Variants in G3BP2 observed in about 807,000 individuals in gnomAD.
G3BP2 encodes the protein G3BP stress granule assembly factor 2, also known as ras GTPase-activating protein-binding protein 2.
In G3BP2, 11 loss-of-function variants were observed where a neutral mutation model predicts 56.7. The observed-to-expected ratio is 0.19, with a 90% CI of 0.12 to 0.32. The LOEUF is 0.32. Among genes scored for constraint, G3BP2 ranks in the 10% least tolerant of loss-of-function variants. G3BP2 has a pLI of 1.00. For synonymous variants in G3BP2, 165 were observed against 191.6 expected (o/e 0.86, Z 1.15); for missense variants, 340 against 610.9 (o/e 0.56, Z 4.67).
At chr4:75,667,195 G>C (rs1325048567) in intron 1 of G3BP2, among the ~76,000 whole-genome samples, 1 of 151,740 alleles carries the variant, frequency 6.6e-6, no homozygotes, top group African/African-American at 2.4e-5. Flanking sequence ...AAGCTGAGGT[G>C]GGAGGAATGC....
At chr4:75,687,288 T>C (rs1386046151) in intron 3 of G3BP2, among the ~76,000 whole-genome samples, 1 of 152,202 alleles carries the variant, frequency 6.6e-6, no homozygotes, top group Non-Finnish European at 1.5e-5. Context: ...TCATAAGATC[T>C]GATGGTTTTA....
At chr4:75,722,982 A>C (rs769625840) in intron 1 of G3BP2, among the ~76,000 whole-genome samples, 1 of 152,218 alleles carries the variant, frequency 6.6e-6, no homozygotes, top group Non-Finnish European at 1.5e-5. Context: ...TGCCCTTAAC[A>C]GTTTGGTTTA....
chr4:75,647,169 A>G lies in G3BP2; in HGVS notation c.929-12T>C. On this transcript the variant is annotated splice_polypyrimidine_tract_variant and intron_variant, in intron 9 of 11. Coordinates refer to ENST00000359707, the MANE Select transcript of G3BP2 (RefSeq NM_203505.3). The stretch of plus-strand genomic sequence containing the variant: ...CATATCTCCTCTGCCTGAGAATAGA[A>G]ATAGAGCAGATACTAAAGTTTACAA... 6.5e-7 allele frequency: 1 copy of G among 1,548,866 alleles called. No homozygotes were observed. Among genetic ancestry groups the G allele is most frequent in the Non-Finnish European group, 8.8e-7 (1 of 1,139,312 alleles).
At chr4:75,662,667 T>C (rs1421543027) in intron 1 of G3BP2, 1 of 152,230 alleles carries the variant, frequency 6.6e-6, no homozygotes, top group Non-Finnish European at 1.5e-5. Flanking sequence ...TCTCCCTTTC[T>C]CTCTCTTTCT....
At chr4:75,653,887 C>T in intron 8 of G3BP2, 96 bp downstream of exon 8, 1 of 644,722 alleles carries the variant, frequency 1.6e-6, no homozygotes, top group Middle Eastern at 2.5e-4. Flanking sequence ...ATATTTAATC[C>T]ATAATTTCTG....
intron 3 of G3BP2, among the ~76,000 whole-genome samples, chr4:75,681,989 T>C (rs1218685229): frequency 1.3e-5 from 2 of 152,276 alleles, no homozygotes; most frequent in South Asian, 2.1e-4. Context: ...CTGAGAAGGC[T>C]ATGACATGAC....
At chr4:75,668,786 G>A (rs919694748) in intron 1 of G3BP2, among the ~76,000 whole-genome samples, 2 of 152,132 alleles carry the variant, frequency 1.3e-5, no homozygotes, top group Admixed American at 1.3e-4. Context: ...CAGAAATCCT[G>A]TCCCCTTGAA....
At chr4:75,665,659 ACACAC>A in intron 1 of G3BP2, among the ~76,000 whole-genome samples, 1 of 53,288 alleles carries the variant, frequency 1.9e-5, no homozygotes, top group African/African-American at 1.5e-4. Flanking sequence ...ACAAACAAAC[ACACAC>A]ACACACACAC....
intron 1 of G3BP2, among the ~76,000 whole-genome samples, chr4:75,669,188 G>GT (rs1733290538): frequency 6.6e-6 from 1 of 152,122 alleles, no homozygotes; most frequent in African/African-American, 2.4e-5. Flanking sequence ...ACCTAAACGT[G>GT]TATCTAGTCT....
chr4:75,696,838 T>G (rs75873797), intron 3 of G3BP2, among the ~76,000 whole-genome samples: 25,630 of 152,166 alleles, frequency 0.17, 2,262 homozygotes, highest in South Asian at 0.34. Flanking sequence ...AAGAGTAACA[T>G]GAAGTTAAAC....
chr4:75,657,912 T>C (rs932780067), intron 3 of G3BP2, among the ~76,000 whole-genome samples, 182 bp from the exon 4 acceptor site: 5 of 152,192 alleles, frequency 3.3e-5, no homozygotes, highest in African/African-American at 2.4e-5. Context: ...GAAATCACAA[T>C]AGCTCTCCAA....
At chr4:75,694,545 A>G (rs1328560230) in intron 3 of G3BP2, among the ~76,000 whole-genome samples, 1 of 152,234 alleles carries the variant, frequency 6.6e-6, no homozygotes, top group Admixed American at 6.5e-5. Context: ...CGGAGCTTGC[A>G]CTGAGCCGAG....
chr4:75,678,658 T>A (rs1733966607), intron 3 of G3BP2, among the ~76,000 whole-genome samples: 1 of 152,004 alleles, frequency 6.6e-6, no homozygotes, highest in Non-Finnish European at 1.5e-5. Context: ...CCAAAAAAAA[T>A]AAAAAAGAAT....
intron 3 of G3BP2, among the ~76,000 whole-genome samples, chr4:75,690,662 CCCGGGG>C (rs1264690604): frequency 6.6e-6 from 1 of 152,040 alleles, no homozygotes; most frequent in Non-Finnish European, 1.5e-5. Context: ...ACCTCTGCCT[CCCGGGG>C]TCAAATTATC....
Position 75,720,022 on chromosome 4 carries a change from C to CTTTTTTTTTTTTTTTTTT in G3BP2, c.-25+854_-25+855insAAAAAAAAAAAAAAAAAA, listed in dbSNP as rs67468716. On this transcript the variant is annotated intron_variant, in intron 3 of 3. Coordinates refer to the G3BP2 transcript ENST00000499709. ...GAGCAGGATGGGGGGGCCCAGAACC[C>CTTTTTTTTTTTTTTTTTT]TTTTTTTTTTTTGAGAAAGGGTCTC... 1.1e-4 allele frequency among the ~76,000 whole-genome samples: 11 copies of CTTTTTTTTTTTTTTTTTT among 97,320 alleles called. 1 individual carries two copies. Among genetic ancestry groups the CTTTTTTTTTTTTTTTTTT allele is most frequent in the African/African-American group, 2.9e-4 (7 of 24,202 alleles). The allele number at this position is 97,320 out of a possible 152,430, so 63.8% of individuals were successfully genotyped here.
At chr4:75,674,191 C>T (rs1421467265), upstream of G3BP2, among the ~76,000 whole-genome samples, 1 of 152,038 alleles carries the variant, frequency 6.6e-6, no homozygotes, top group African/African-American at 2.4e-5. Flanking sequence ...GTCAAGGAAG[C>T]CACTTTGCAT....
At chr4:75,655,354 T>C (rs545722774) in intron 6 of G3BP2, 108 bp from the exon 7 acceptor site, 4 of 795,378 alleles carry the variant, frequency 5.0e-6, no homozygotes, top group Admixed American at 2.8e-5. Context: ...TAACTTGTTC[T>C]AGATCTACAA....
chr4:75,648,889 A>T, intron 8 of G3BP2, 148 bp from the exon 9 acceptor site: 1 of 539,246 alleles, frequency 1.9e-6, no homozygotes, highest in Non-Finnish European at 3.4e-6. Flanking sequence ...TGAGAAAAAT[A>T]AATTTTTATC....
At chr4:75,672,298 G>A (rs1254870395) in intron 1 of G3BP2, among the ~76,000 whole-genome samples, 1 of 152,088 alleles carries the variant, frequency 6.6e-6, no homozygotes, top group African/African-American at 2.4e-5. Flanking sequence ...GCCCCAAAGC[G>A]GCAAAGGGCC....
Sources: allele counts gnomAD v4.1 joint callset (sites outside exome capture counted in the v4.1 genomes callset), GRCh38; gene constraint gnomAD v4.1.1; transcripts MANE v1.5; gene names NCBI Gene and HGNC (gene_info 2026-07-23, HGNC 2026-07-21).